The following TBPL2 variants were observed in gnomAD, a reference collection of about 807,000 sequenced individuals.
TBPL2 encodes TATA-box binding protein like 2, also known as TATA box-binding protein-like 2.
A neutral mutation model predicts 38.2 loss-of-function variants in TBPL2; 40 were observed. That is an observed-to-expected ratio of 1.05 (90% CI 0.81 to 1.36). The LOEUF (loss-of-function observed/expected upper bound fraction) is 1.36. TBPL2 is among the 40% of genes most tolerant of loss of function. The pLI is 0.00. For missense variants in TBPL2, 461 were observed against 456.7 expected (o/e 1.01, Z -0.09); for synonymous variants, 169 against 171.7 (o/e 0.98, Z 0.12).
intron 4 of TBPL2, among the ~76,000 whole-genome samples, chr14:55,432,188 AC>A (rs1336950832): frequency 2.6e-5 from 4 of 151,066 alleles, no homozygotes; most frequent in Admixed American, 6.7e-5. Context: ...TGGGAGGACT[AC>A]TTGAGCCCAG....
intron 5 of TBPL2, among the ~76,000 whole-genome samples, chr14:55,426,893 G>T (rs890372593): frequency 2.6e-5 from 4 of 152,330 alleles, no homozygotes; most frequent in Middle Eastern, 3.4e-3. Context: ...GATCTGCTCT[G>T]CAAGGAAGAT....
chr14:55,436,940 G>T, exon 2 of TBPL2: 5 of 1,614,204 alleles, frequency 3.1e-6, no homozygotes, highest in Non-Finnish European at 4.2e-6. Flanking sequence ...GCAGTATCCG[G>T]ATTGGATGCA....
At chr14:55,434,228 G>C (rs1032752000) in intron 3 of TBPL2, among the ~76,000 whole-genome samples, 1 of 152,152 alleles carries the variant, frequency 6.6e-6, no homozygotes, top group Non-Finnish European at 1.5e-5. Flanking sequence ...CTGTATGATA[G>C]GCATGCTAAA....
At chr14:55,421,589 A>G (rs1885745731) in intron 6 of TBPL2, among the ~76,000 whole-genome samples, 2 of 152,018 alleles carry the variant, frequency 1.3e-5, no homozygotes, top group Admixed American at 1.3e-4. Context: ...TCAGCCTCCC[A>G]AGTAGCTGGG....
intron 6 of TBPL2, among the ~76,000 whole-genome samples, chr14:55,418,338 T>A (rs1174397739): frequency 6.6e-6 from 1 of 152,210 alleles, no homozygotes; most frequent in Non-Finnish European, 1.5e-5. Context: ...TCCCTACCCC[T>A]TAGTCAGCTC....
At chr14:55,430,614 T>TA (rs1885911083) in intron 4 of TBPL2, among the ~76,000 whole-genome samples, 2 of 152,014 alleles carry the variant, frequency 1.3e-5, no homozygotes, top group South Asian at 4.1e-4. Context: ...CAGGCTGGGC[T>TA]CAAACTCCAG....
intron 4 of TBPL2, among the ~76,000 whole-genome samples, chr14:55,432,903 C>A (rs1885954753): frequency 6.6e-6 from 1 of 152,144 alleles, no homozygotes; most frequent in South Asian, 2.1e-4. Flanking sequence ...GCCTCCTGAG[C>A]TAATGCAAGC....
chr14:55,414,568 G>A, intron 6 of TBPL2, 113 bp from the exon 7 acceptor site: 1 of 707,996 alleles, frequency 1.4e-6, no homozygotes, highest in Non-Finnish European at 2.2e-6. Flanking sequence ...CATCTCTTTA[G>A]CTGTACCTGA....
intron 6 of TBPL2, among the ~76,000 whole-genome samples, chr14:55,415,808 A>G (rs770482596): frequency 2.0e-5 from 3 of 152,132 alleles, no homozygotes; most frequent in Non-Finnish European, 2.9e-5. Context: ...GGGGGTTGCA[A>G]TGAGCAGAGT....
At chr14:55,421,999 AAAT>A (rs1885752532) in intron 6 of TBPL2, among the ~76,000 whole-genome samples, 1 of 152,238 alleles carries the variant, frequency 6.6e-6, no homozygotes, top group East Asian at 1.9e-4. Context: ...AGAAATATAA[AAAT>A]TAAAGTAATG....
At chr14:55,439,118 T>A (rs1886063549) in intron 1 of TBPL2, among the ~76,000 whole-genome samples, 1 of 151,932 alleles carries the variant, frequency 6.6e-6, no homozygotes, top group Non-Finnish European at 1.5e-5. Flanking sequence ...TTGTATTTTT[T>A]AGCAGAGGCG....
At chr14:55,416,317 C>T (rs1248978841) in intron 6 of TBPL2, among the ~76,000 whole-genome samples, 3 of 152,084 alleles carry the variant, frequency 2.0e-5, no homozygotes. Context: ...TAAGGGCAGG[C>T]ATGGTGGCTC....
intron 6 of TBPL2, among the ~76,000 whole-genome samples, chr14:55,421,825 A>G: frequency 6.6e-6 from 1 of 152,206 alleles, no homozygotes; most frequent in East Asian, 1.9e-4. Flanking sequence ...TACAACTCAG[A>G]GTTATAAAAG....
In TBPL2 at chr14:55,414,762, A is replaced by G. The variant is rs887986628; in HGVS notation, c.1052-307T>C. Among the ~76,000 whole-genome samples the G allele has an allele frequency of 2.0e-5, 3 of 152,236 alleles. No individual in the cohort carries two copies. The East Asian group carries it at 5.8e-4, about 29-fold the overall frequency. On this transcript the variant is annotated intron_variant, in intron 6 of 6. Coordinates refer to ENST00000247219, the Ensembl canonical transcript of TBPL2. ...ATGAATATGGCCTCAGAGTAATTTCATCAGCACCTGCGGGCACTTAGCTAC... is the reference window on the plus strand; with the variant it reads ...ATGAATATGGCCTCAGAGTAATTTCGTCAGCACCTGCGGGCACTTAGCTAC...
At chr14:55,434,076 A>G (rs1311505026) in intron 3 of TBPL2, among the ~76,000 whole-genome samples, 1 of 152,138 alleles carries the variant, frequency 6.6e-6, no homozygotes, top group African/African-American at 2.4e-5. Context: ...AAGATTCAAA[A>G]CCCACACTAA....
intron 6 of TBPL2, among the ~76,000 whole-genome samples, chr14:55,421,643 A>G (rs1290334809): frequency 6.6e-6 from 1 of 152,022 alleles, no homozygotes; most frequent in Non-Finnish European, 1.5e-5. Flanking sequence ...TTGTATTTTC[A>G]GTAGAGATGG....
At chr14:55,433,284 A>G (rs1217908052) in intron 4 of TBPL2, among the ~76,000 whole-genome samples, 2 of 148,784 alleles carry the variant, frequency 1.3e-5, no homozygotes, top group Non-Finnish European at 1.5e-5. Flanking sequence ...ATGCACCACC[A>G]CATCCAGCTA....
intron 2 of TBPL2, among the ~76,000 whole-genome samples, chr14:55,436,298 G>A (rs1471852604): frequency 1.3e-5 from 2 of 152,300 alleles, no homozygotes; most frequent in Admixed American, 6.5e-5. Flanking sequence ...CTACAGTGCT[G>A]TAGTATAAAC....
rs551473740 is a variant in TBPL2, at chr14:55,427,880, C to CTTT, written c.956+924_956+926dup. On this transcript the variant is annotated intron_variant, in intron 5 of 6. Coordinates refer to ENST00000247219, the Ensembl canonical transcript of TBPL2. ...ATAGGGGACAAACTAGTTAGGATTG[C>CTTT]TTTTTTTTTTTTTTTTTTGAGACGG... Among the ~76,000 whole-genome samples, 34 of 130,896 alleles carry CTTT rather than the reference C, an allele frequency of 2.6e-4. 1 individual carries two copies. Among genetic ancestry groups the CTTT allele is most frequent in the African/African-American group, 8.9e-4 (31 of 34,804 alleles). 85.9% of individuals were successfully genotyped at this position (130,896 alleles called of 152,430 possible).
Sources: gnomAD v4.1 joint callset for allele counts (sites outside exome capture counted in the v4.1 genomes callset) on GRCh38, gnomAD v4.1.1 for gene constraint, MANE v1.5 for transcripts, NCBI Gene and HGNC (gene_info 2026-07-23, HGNC 2026-07-21) for gene names.